CCR6: variants seen among roughly 807,000 people sequenced by gnomAD.
The protein encoded by CCR6 is C-C chemokine receptor type 6.
A neutral mutation model predicts 3.0 loss-of-function variants in CCR6; 2 were observed. That is an observed-to-expected ratio of 0.66 (90% CI 0.27 to 2.07). The LOEUF (loss-of-function observed/expected upper bound fraction) is 2.07. CCR6 is among the 30% of genes most tolerant of loss of function. The probability of loss-of-function intolerance (pLI) is 0.14; values close to 1 mark genes in which losing one functional copy is unlikely to be tolerated. For synonymous variants in CCR6, 193 were observed against 184.3 expected (o/e 1.05, Z -0.38); for missense variants, 322 against 462.8 (o/e 0.70, Z 2.79).
At chr6:167,117,447 C>T (rs1582990905) in intron 1 of CCR6, among the ~76,000 whole-genome samples, 1 of 109,886 alleles carries the variant, frequency 9.1e-6, no homozygotes, top group African/African-American at 3.8e-5. Context: ...GACGGAGTTT[C>T]GCTCTGTCGC....
rs1210998079 is a variant in CCR6, at chr6:167,138,267, T to A, written c.*912T>A. ...TGAAGTTGGGGTTTATTGTACAGTTTAAAATGTTAGATGTTTTTAATTTTT... is the reference window on the plus strand; with the variant it reads ...TGAAGTTGGGGTTTATTGTACAGTTAAAAATGTTAGATGTTTTTAATTTTT... On this transcript the variant is annotated 3_prime_UTR_variant, in exon 3 of 3. Coordinates refer to ENST00000341935, the MANE Select transcript of CCR6 (RefSeq NM_031409.4). 5 of 151,966 alleles carry A rather than the reference T, an allele frequency of 3.3e-5. No individual in the cohort carries two copies. Among genetic ancestry groups the A allele is most frequent in the African/African-American group, 1.2e-4 (5 of 41,356 alleles). 9.4% of individuals were successfully genotyped at this position (151,966 alleles called of 1,614,324 possible). A position where few individuals can be genotyped will look rare whatever the true frequency, so the allele number is the denominator to read the frequency against.
intron 1 of CCR6, among the ~76,000 whole-genome samples, chr6:167,123,905 A>C (rs1156386326): frequency 2.0e-5 from 3 of 152,222 alleles, no homozygotes; most frequent in African/African-American, 7.2e-5. Flanking sequence ...TGAGGTCAGG[A>C]GTTCGAGACC....
intron 1 of CCR6, among the ~76,000 whole-genome samples, chr6:167,125,690 T>C (rs1290388986): frequency 6.6e-6 from 1 of 152,230 alleles, no homozygotes; most frequent in Non-Finnish European, 1.5e-5. Context: ...CCTCCCTCTT[T>C]CTTCTGGTTC....
chr6:167,132,483 C>T (rs193194923), intron 1 of CCR6, among the ~76,000 whole-genome samples: 2 of 152,254 alleles, frequency 1.3e-5, no homozygotes, highest in South Asian at 2.1e-4. Flanking sequence ...CTTCCAGCCC[C>T]CTGTTTAATC....
chr6:167,127,936 T>A (rs1781695890), intron 1 of CCR6, among the ~76,000 whole-genome samples: 1 of 152,234 alleles, frequency 6.6e-6, no homozygotes, highest in Non-Finnish European at 1.5e-5. Flanking sequence ...AGGACTGAGA[T>A]CCTCATATTC....
chr6:167,120,271 G>T (rs916757613), upstream of CCR6, among the ~76,000 whole-genome samples: 5 of 152,312 alleles, frequency 3.3e-5, no homozygotes, highest in African/African-American at 1.2e-4. Context: ...GTGGTGCACT[G>T]CTGCTGCCTG....
Position 167,136,110 on chromosome 6 carries a change from C to A in CCR6, c.-25C>A, listed in dbSNP as rs759697824. ...GAACCATACACTCCTTTTTCTACAA[C>A]CAGCTTGCATTTTTTCTGCCCACAA... On this transcript the variant is annotated 5_prime_UTR_variant, in exon 2 of 3. Transcript: ENST00000341935. The surrounding 1 kb of genome is among the most constrained non-coding windows in gnomAD (Gnocchi z 4.6). The A allele has an allele frequency of 1.9e-6, 3 of 1,612,674 alleles. No individual in the cohort carries two copies. Among genetic ancestry groups the A allele is most frequent in the Non-Finnish European group, 2.5e-6 (3 of 1,179,600 alleles).
At chr6:167,113,887 T>C (rs1439446370) in intron 1 of CCR6, among the ~76,000 whole-genome samples, 3 of 152,040 alleles carry the variant, frequency 2.0e-5, no homozygotes, top group African/African-American at 7.2e-5. Flanking sequence ...CACTCCTATT[T>C]TGGGGGGTAG....
chr6:167,131,001 TG>T (rs1781753756), intron 1 of CCR6, among the ~76,000 whole-genome samples: 1 of 86,088 alleles, frequency 1.2e-5, no homozygotes, highest in Admixed American at 1.3e-4. Flanking sequence ...CCCCTCCCTT[TG>T]GGACCCCTCC....
chr6:167,125,487 T>C lies in CCR6; in HGVS notation c.-98+2264T>C, dbSNP rs371385717. Among the ~76,000 whole-genome samples, 21 of 152,340 alleles carry C rather than the reference T, an allele frequency of 1.4e-4. No homozygotes were observed. The East Asian group carries it at 2.7e-3, about 20-fold the overall frequency. On this transcript the variant is annotated intron_variant, in intron 1 of 2. Transcript: ENST00000341935. ...ACCACAGAGCCAGCCAGTATTGGTC[T>C]CCCTGAGAGTGTGTGCTGTGGCTAC... is the stretch of plus-strand genomic sequence containing the variant.
At chr6:167,118,685 A>T (rs1781538910), upstream of CCR6, among the ~76,000 whole-genome samples, 1 of 152,182 alleles carries the variant, frequency 6.6e-6, no homozygotes, top group Non-Finnish European at 1.5e-5. Flanking sequence ...TTTGGATCAG[A>T]TGACATGGTT....
At chr6:167,114,742 G>A (rs978170553) in intron 1 of CCR6, among the ~76,000 whole-genome samples, 6 of 152,262 alleles carry the variant, frequency 3.9e-5, no homozygotes, top group Non-Finnish European at 8.8e-5. Flanking sequence ...GGCTGTTCCC[G>A]GCAGACAGAA....
At chr6:167,125,859 T>A (rs1398695830) in intron 1 of CCR6, among the ~76,000 whole-genome samples, 1 of 152,218 alleles carries the variant, frequency 6.6e-6, no homozygotes, top group Non-Finnish European at 1.5e-5. Context: ...GCAAAAAAAA[T>A]TGAACATTTT....
chr6:167,132,870 C>T lies in CCR6; in HGVS notation c.-97-3168C>T, dbSNP rs9366092. On this transcript the variant is annotated intron_variant, in intron 1 of 2. Transcript: ENST00000341935. Reference sequence around the variant, plus strand: ...TTGTGGTTTTAATTTGCATTTTCCTCATGATTAATGGCATTGAGCGTCTTT... The same window carrying T: ...TTGTGGTTTTAATTTGCATTTTCCTTATGATTAATGGCATTGAGCGTCTTT... Among the ~76,000 whole-genome samples, 63 of 152,280 alleles carry T rather than the reference C, an allele frequency of 4.1e-4. No individual in the cohort carries two copies. In the East Asian group the frequency reaches 0.012, roughly 28 times the overall value.
upstream of CCR6, among the ~76,000 whole-genome samples, chr6:167,120,148 G>A (rs17860840): frequency 0.047 from 7,205 of 152,138 alleles, 247 homozygotes; most frequent in Non-Finnish European, 0.074. Context: ...AACTGGGCTC[G>A]GCTGAGTGCT....
At chr6:167,112,446 G>C (rs1197417234) in intron 1 of CCR6, among the ~76,000 whole-genome samples, 1 of 152,206 alleles carries the variant, frequency 6.6e-6, no homozygotes, top group Non-Finnish European at 1.5e-5. Context: ...ACTCGAGAAA[G>C]AAGTATGGGG....
intron 1 of CCR6, among the ~76,000 whole-genome samples, chr6:167,112,346 G>C (rs1335776284): frequency 6.6e-6 from 1 of 152,126 alleles, no homozygotes; most frequent in African/African-American, 2.4e-5. Flanking sequence ...GGCCATGGAG[G>C]GTTGGGAGGC....
chr6:167,123,676 G>A (rs1047714711), intron 1 of CCR6, among the ~76,000 whole-genome samples: 1 of 152,240 alleles, frequency 6.6e-6, no homozygotes, highest in Non-Finnish European at 1.5e-5. Context: ...GAGCAGGAAG[G>A]AGCTTGTGAG....
chr6:167,117,000 G>C, intron 1 of CCR6: 1 of 152,336 alleles, frequency 6.6e-6, no homozygotes. Context: ...GCGGTGGGTG[G>C]AGGGTGAGTC....
Sources: allele counts gnomAD v4.1 joint callset (sites outside exome capture counted in the v4.1 genomes callset), GRCh38; gene constraint gnomAD v4.1.1; non-coding constraint Gnocchi (gnomAD v3.1); transcripts MANE v1.5; gene names NCBI Gene and HGNC (gene_info 2026-07-23, HGNC 2026-07-21).